NTRK3: variants seen among roughly 807,000 people sequenced by gnomAD.
The protein encoded by NTRK3 is neurotrophic receptor tyrosine kinase 3.
A neutral mutation model predicts 91.7 loss-of-function variants in NTRK3; 24 were observed. The observed-to-expected ratio is 0.26, with a 90% CI of 0.19 to 0.37. The LOEUF is 0.37. NTRK3 is among the 10% of genes least tolerant of loss of function. NTRK3 has a pLI of 1.00. For missense variants in NTRK3, 880 were observed against 1,068.9 expected, an observed-to-expected ratio of 0.82 and a Z score of 2.46; for synonymous variants, 483 against 404.0, an observed-to-expected ratio of 1.20 and a Z score of -2.34.
chr15:88,041,866 T>C (rs1432585595), intron 13 of NTRK3, among the ~76,000 whole-genome samples: 1 of 143,810 alleles, frequency 7.0e-6, no homozygotes, highest in South Asian at 2.2e-4. Flanking sequence ...TCGTCCTCAA[T>C]GATATAATCC....
intron 13 of NTRK3, among the ~76,000 whole-genome samples, chr15:88,066,547 A>T (rs538659822): frequency 6.6e-6 from 1 of 152,188 alleles, no homozygotes; most frequent in Non-Finnish European, 1.5e-5. Context: ...CATTTGTCCA[A>T]CAGAACTGCA....
intron 14 of NTRK3, among the ~76,000 whole-genome samples, chr15:87,941,754 C>T (rs2069884071): frequency 6.6e-6 from 1 of 152,190 alleles, no homozygotes; most frequent in African/African-American, 2.4e-5. Context: ...GGTCTGTGTG[C>T]CTGGAGAAAG....
At chr15:88,141,704 C>G (rs1276578027) in intron 6 of NTRK3, among the ~76,000 whole-genome samples, 1 of 152,248 alleles carries the variant, frequency 6.6e-6, no homozygotes, top group Non-Finnish European at 1.5e-5. Flanking sequence ...TGTCTGGTCC[C>G]TGCACTGCTG....
At chr15:88,009,676 C>T (rs560535802) in intron 14 of NTRK3, among the ~76,000 whole-genome samples, 2 of 152,278 alleles carry the variant, frequency 1.3e-5, no homozygotes, top group Admixed American at 6.5e-5. Flanking sequence ...TTCCAGGAGC[C>T]CTACAAGATG....
chr15:88,137,257 G>C, intron 7 of NTRK3, 147 bp downstream of exon 7: 1 of 856,626 alleles, frequency 1.2e-6, no homozygotes, highest in Admixed American at 2.0e-5. Flanking sequence ...TGATGAGTCA[G>C]GAGGTCTGCA....
chr15:87,987,500 GACATAGATAT>G (rs1298752094), intron 14 of NTRK3, among the ~76,000 whole-genome samples: 1 of 151,070 alleles, frequency 6.6e-6, no homozygotes, highest in African/African-American at 2.4e-5. Flanking sequence ...TATATATCTA[GACATAGATAT>G]ATATAGATAG....
At chr15:88,143,660 A>T (rs562373649) in intron 6 of NTRK3, among the ~76,000 whole-genome samples, 1 of 152,330 alleles carries the variant, frequency 6.6e-6, no homozygotes, top group South Asian at 2.1e-4. Context: ...GGGAACAAAA[A>T]GAAGCTATTA....
chr15:88,168,788 C>T (rs950908156), intron 5 of NTRK3, among the ~76,000 whole-genome samples: 3 of 152,244 alleles, frequency 2.0e-5, no homozygotes, highest in African/African-American at 4.8e-5. Flanking sequence ...GGTACCTGCT[C>T]CTGAGAGGCA....
chr15:87,888,112 C>T (rs1415030010), intron 17 of NTRK3, among the ~76,000 whole-genome samples: 2 of 152,268 alleles, frequency 1.3e-5, no homozygotes, highest in South Asian at 2.1e-4. Flanking sequence ...TACCTTGGTA[C>T]CTTCCACCGA....
intron 15 of NTRK3, among the ~76,000 whole-genome samples, chr15:87,936,085 C>T (rs1020910680): frequency 6.6e-6 from 1 of 152,130 alleles, no homozygotes; most frequent in African/African-American, 2.4e-5. Context: ...ACTCTCTGGC[C>T]CCTCTCCGTG....
intron 13 of NTRK3, among the ~76,000 whole-genome samples, chr15:88,045,874 C>T (rs1471288359): frequency 6.6e-6 from 1 of 152,208 alleles, no homozygotes; most frequent in East Asian, 1.9e-4. Context: ...TTATAAGGCC[C>T]TCAGTCAAAT....
chr15:88,187,524 G>A (rs2151643655), intron 3 of NTRK3, among the ~76,000 whole-genome samples: 1 of 152,268 alleles, frequency 6.6e-6, no homozygotes, highest in South Asian at 2.1e-4. Flanking sequence ...TATATATATA[G>A]TAAAAGAGCA....
chr15:88,047,171 G>A (rs1307452988), intron 13 of NTRK3, among the ~76,000 whole-genome samples: 2 of 152,182 alleles, frequency 1.3e-5, no homozygotes, highest in Non-Finnish European at 2.9e-5. Context: ...GAACAAGAAT[G>A]TGTATGAACA....
intron 14 of NTRK3, among the ~76,000 whole-genome samples, chr15:87,942,356 T>G (rs891835232): frequency 1.3e-5 from 2 of 152,230 alleles, no homozygotes; most frequent in African/African-American, 2.4e-5. Context: ...ACTGGTTCCC[T>G]TCTTCACACT....
At chr15:88,120,803 C>A (rs1597426932) in intron 13 of NTRK3, among the ~76,000 whole-genome samples, 1 of 152,336 alleles carries the variant, frequency 6.6e-6, no homozygotes, top group Admixed American at 6.5e-5. Flanking sequence ...CTCCCAGGTT[C>A]TCTGCACAAG....
chr15:87,877,880 T>A (rs1176381889), intron 18 of NTRK3, among the ~76,000 whole-genome samples: 4 of 151,958 alleles, frequency 2.6e-5, no homozygotes, highest in African/African-American at 9.7e-5. Flanking sequence ...AAGGATGAAA[T>A]GAGACCACGA....
At chr15:87,952,362 G>A (rs946902479) in intron 14 of NTRK3, among the ~76,000 whole-genome samples, 1 of 152,146 alleles carries the variant, frequency 6.6e-6, no homozygotes, top group Non-Finnish European at 1.5e-5. Flanking sequence ...GGACACACAC[G>A]TGCCCCCCAT....
intron 13 of NTRK3, among the ~76,000 whole-genome samples, chr15:88,057,547 T>C (rs2045832342): frequency 6.6e-6 from 1 of 152,088 alleles, no homozygotes; most frequent in Non-Finnish European, 1.5e-5. Context: ...GGGCTGTTCT[T>C]TGAGTGTCTT....
At chr15:87,951,730 G>T (rs2071125339) in intron 14 of NTRK3, among the ~76,000 whole-genome samples, 1 of 152,214 alleles carries the variant, frequency 6.6e-6, no homozygotes, top group South Asian at 2.1e-4. Context: ...CAGAGAGAAG[G>T]TGATGCCCTG....
Sources: allele counts gnomAD v4.1 joint callset (sites outside exome capture counted in the v4.1 genomes callset), GRCh38; gene constraint gnomAD v4.1.1; transcripts MANE v1.5; gene names NCBI Gene and HGNC (gene_info 2026-07-23, HGNC 2026-07-21).